ANKRD26: variants seen among roughly 807,000 people sequenced by gnomAD.
ANKRD26 encodes the protein ankyrin repeat domain 26.
In ANKRD26, 141 loss-of-function variants were observed where a neutral mutation model predicts 208.7. That is an observed-to-expected ratio of 0.68 (90% confidence interval 0.59 to 0.78). ANKRD26 has a LOEUF of 0.78. ANKRD26 is among the 30% of genes least tolerant of loss of function. ANKRD26 has a pLI of 0.00. For synonymous variants in ANKRD26, 636 were observed against 660.4 expected, an observed-to-expected ratio of 0.96 and a Z score of 0.57; for missense variants, 1,889 against 1,938.7, an observed-to-expected ratio of 0.97 and a Z score of 0.48.
chr10:27,046,957 C>T (rs961691598), intron 17 of ANKRD26, among the ~76,000 whole-genome samples: 3 of 151,900 alleles, frequency 2.0e-5, no homozygotes, highest in Non-Finnish European at 4.4e-5. Flanking sequence ...ATTAGGCACA[C>T]GGCATCTAGA....
the ANKRD26 span, among the ~76,000 whole-genome samples, chr10:26,958,483 C>T: frequency 1.3e-5 from 2 of 152,020 alleles, no homozygotes; most frequent in South Asian, 4.2e-4. Context: ...GTGTTGTTCC[C>T]CCCAGTGTGC....
chr10:27,035,672 T>C lies in ANKRD26; in HGVS notation c.2778A>G (p.Leu926=), dbSNP rs909249689. 28 of 1,599,124 alleles carry C rather than the reference T, an allele frequency of 1.8e-5. No individual in the cohort carries two copies. Among genetic ancestry groups the C allele is most frequent in the Non-Finnish European group, 2.3e-5 (27 of 1,175,916 alleles). The change falls in exon 24 of 34, where the codon CTA becomes CTG. Residue 926 remains leucine (L), a synonymous_variant. Coordinates refer to ENST00000376087, the MANE Select transcript of ANKRD26 (RefSeq NM_014915.3). ...MLQEEIAMLR[L]EIDTIKNQNQ... ...TTTGATTTTTTATTGTGTCTATTTC[T>C]AGTCTTAGCATAGCAATTTCTTCCT...
At chr10:26,972,197 T>C (rs995184250), downstream of ANKRD26, among the ~76,000 whole-genome samples, 1 of 145,852 alleles carries the variant, frequency 6.9e-6, no homozygotes, top group East Asian at 2.0e-4. Flanking sequence ...ATCGTGCCAC[T>C]GCACTCCAGC....
chr10:27,017,617 T>G lies in ANKRD26; in HGVS notation c.4391A>C (p.His1464Pro), dbSNP rs762858115. ...LEQEVINLRS[H>P]IERNMVELGQ... ...AAGTTCTACCATATTCCTTTCTATA[T>G]GACTTCTCAGGTTGATCACTTCTTG... Residue 1464 changes from histidine to proline, a missense_variant, in exon 30 of 34, where the codon CAT (histidine) becomes CCT (proline). Coordinates refer to ENST00000376087, the MANE Select transcript of ANKRD26 (RefSeq NM_014915.3). 6.7e-5 allele frequency: 108 copies of G among 1,613,602 alleles called. 1 individual carries two copies. In the Middle Eastern group the frequency reaches 1.8e-3, roughly 27 times the overall value.
intron 15 of ANKRD26, among the ~76,000 whole-genome samples, chr10:27,057,885 C>T (rs1388697276): frequency 4.7e-5 from 7 of 150,206 alleles, no homozygotes; most frequent in African/African-American, 1.7e-4. Context: ...TGCAGTGAGC[C>T]GAGATCGTGC....
At chr10:27,094,475 C>T (rs1442218895) in intron 1 of ANKRD26, among the ~76,000 whole-genome samples, 1 of 152,128 alleles carries the variant, frequency 6.6e-6, no homozygotes, top group African/African-American at 2.4e-5. Flanking sequence ...CTCATTATGG[C>T]TTAGTAAGTG....
chr10:26,980,145 A>C (rs2052285865), intron 5 of ANKRD26, among the ~76,000 whole-genome samples: 1 of 152,230 alleles, frequency 6.6e-6, no homozygotes, highest in African/African-American at 2.4e-5. Context: ...AAGTTTTATC[A>C]AAACATGAAA....
At chr10:27,099,989 G>C (rs2056594334) in intron 1 of ANKRD26, 96 bp downstream of exon 1, 3 of 1,590,536 alleles carry the variant, frequency 1.9e-6, no homozygotes, top group Non-Finnish European at 2.6e-6. Context: ...GCCCGCGGGA[G>C]GCTGATCCAG....
chr10:26,963,910 T>G, the ANKRD26 span, among the ~76,000 whole-genome samples: 1 of 135,522 alleles, frequency 7.4e-6, no homozygotes, highest in South Asian at 2.5e-4. Flanking sequence ...TTGGTTTTTT[T>G]TTTTTTTTTT....
Position 27,050,219 on chromosome 10 carries a change from CAAAAAAAAAA to C in ANKRD26, c.1636-1250_1636-1241del, listed in dbSNP as rs67384671. Among the ~76,000 whole-genome samples the C allele has an allele frequency of 3.0e-4, 10 of 33,038 alleles. No individual in the cohort carries two copies. The East Asian group carries it at 5.9e-3, about 19-fold the overall frequency. The allele number at this position is 33,038 out of a possible 152,430, so 21.7% of individuals were successfully genotyped here. Reference sequence around the variant, plus strand: ...TGGGCAATAGAGTAAGAATCTGTCTCAAAAAAAAAAAAAAAAAAAAAAAAAAAAGAAAGAA... The same window carrying C: ...TGGGCAATAGAGTAAGAATCTGTCTCAAAAAAAAAAAAAAAAAAGAAAGAA... On this transcript the variant is annotated intron_variant, in intron 16 of 33. Transcript: ENST00000376087.
intron 4 of ANKRD26, among the ~76,000 whole-genome samples, chr10:26,981,814 G>A (rs1442239900): frequency 6.6e-6 from 1 of 152,114 alleles, no homozygotes; most frequent in Non-Finnish European, 1.5e-5. Flanking sequence ...TAGCTTTCCA[G>A]GGCAATTACT....
At chr10:26,968,565 CA>C in the ANKRD26 span, among the ~76,000 whole-genome samples, 1 of 152,232 alleles carries the variant, frequency 6.6e-6, no homozygotes, top group Admixed American at 6.5e-5. Flanking sequence ...ACATGAACCA[CA>C]TAAGCCTTCA....
rs563447815 is a variant in ANKRD26, at chr10:26,979,197, C to T, written c.*281+1379G>A. Among the ~76,000 whole-genome samples, 9 of 152,042 alleles carry T rather than the reference C, an allele frequency of 5.9e-5. No homozygotes were observed. The East Asian group carries it at 7.8e-4, about 13-fold the overall frequency. On this transcript the variant is annotated intron_variant and NMD_transcript_variant, in intron 5 of 5. Coordinates refer to the ANKRD26 transcript ENST00000674670. ...ATCGCGCCACTGCACTCCAGCCAGG[C>T]GACAGAGCGAGACTCCATCTCAAAA...
At chr10:26,964,714 A>C in the ANKRD26 span, among the ~76,000 whole-genome samples, 1,814 of 152,232 alleles carry the variant, frequency 0.012, 15 homozygotes, top group Non-Finnish European at 0.019. Context: ...AAAATAACAG[A>C]ACTGAGAATT....
At chr10:27,061,558 TA>T (rs2055057630) in intron 12 of ANKRD26, among the ~76,000 whole-genome samples, 1 of 75,732 alleles carries the variant, frequency 1.3e-5, no homozygotes, top group African/African-American at 5.6e-5. Context: ...ATGCAACATC[TA>T]TTTTTTTTTT....
At chr10:26,952,052 T>C in the ANKRD26 span, among the ~76,000 whole-genome samples, 1 of 152,220 alleles carries the variant, frequency 6.6e-6, no homozygotes, top group Non-Finnish European at 1.5e-5. Flanking sequence ...CTGGCCACTA[T>C]TCTACTTCCC....
intron 32 of ANKRD26, among the ~76,000 whole-genome samples, chr10:27,007,353 T>C (rs1343215018): frequency 6.6e-6 from 1 of 152,200 alleles, no homozygotes; most frequent in Non-Finnish European, 1.5e-5. Flanking sequence ...AGTGGATTTT[T>C]CCTTAAAATA....
At chr10:27,008,926 G>T (rs1185777700) in intron 32 of ANKRD26, among the ~76,000 whole-genome samples, 1 of 152,050 alleles carries the variant, frequency 6.6e-6, no homozygotes, top group Non-Finnish European at 1.5e-5. Flanking sequence ...TGTAACCTCT[G>T]CCTCCTGGGT....
At chr10:27,077,127 G>A in intron 9 of ANKRD26, 1 of 580,732 alleles carries the variant, frequency 1.7e-6, no homozygotes, top group Non-Finnish European at 3.0e-6. Flanking sequence ...GAATCCAACA[G>A]CACATCACAA....
Sources: gnomAD v4.1 joint callset for allele counts (sites outside exome capture counted in the v4.1 genomes callset) on GRCh38, gnomAD v4.1.1 for gene constraint, MANE v1.5 for transcripts, NCBI Gene and HGNC (gene_info 2026-07-23, HGNC 2026-07-21) for gene names.